Variants in UNC13B observed in about 807,000 individuals in gnomAD.
UNC13B encodes unc-13 homolog B, also known as protein unc-13 homolog B.
UNC13B carries 144 observed loss-of-function variants against 211.0 expected under a neutral mutation model. The ratio of observed to expected loss-of-function variants is 0.68; its 90% CI spans 0.60 to 0.78. The LOEUF (loss-of-function observed/expected upper bound fraction) is 0.78. UNC13B is among the 30% of genes least tolerant of loss of function. The pLI, the probability that UNC13B is intolerant of heterozygous loss-of-function variation, is 0.00. For synonymous variants in UNC13B, 709 were observed against 725.8 expected, an observed-to-expected ratio of 0.98 and a Z score of 0.37; for missense variants, 1,777 against 2,002.0, an observed-to-expected ratio of 0.89 and a Z score of 2.14.
intron 37 of UNC13B, among the ~76,000 whole-genome samples, chr9:35,401,273 G>A (rs749439491): frequency 3.3e-5 from 5 of 152,182 alleles, no homozygotes; most frequent in Non-Finnish European, 7.3e-5. Flanking sequence ...TGACCTAGAG[G>A]GGAGAGGGCT....
At chr9:35,185,765 CAAA>C (rs202222034) in intron 1 of UNC13B, among the ~76,000 whole-genome samples, 2 of 124,936 alleles carry the variant, frequency 1.6e-5, no homozygotes, top group Non-Finnish European at 1.7e-5. Flanking sequence ...TATTAAAATA[CAAA>C]AAAAAAAAAA....
In UNC13B at chr9:35,302,746, A is replaced by G. The variant is rs775877066; in HGVS notation, c.3342A>G (p.Leu1114=). The G allele has an allele frequency of 2.5e-6, 1 of 398,674 alleles. No individual in the cohort carries two copies. The highest frequency in any genetic ancestry group is 4.4e-5 in the Admixed American group (1 of 22,724). The allele number at this position is 398,674 out of a possible 1,614,324, so 24.7% of individuals were successfully genotyped here. The change falls in exon 9 of 40, where the codon TTA becomes TTG. Residue 1114 remains leucine (L), a synonymous_variant. Transcript: ENST00000635942. The stretch of plus-strand genomic sequence containing the variant: ...CTTCAGTAGCATCAGACTCTTCATT[A>G]GAGTGTATTTCTACCACTTCCAAAT... ...AASSVASDSS[L]ECISTTSKST...
intron 8 of UNC13B, among the ~76,000 whole-genome samples, chr9:35,297,038 C>A (rs936106562): frequency 6.6e-6 from 1 of 151,028 alleles, no homozygotes. Flanking sequence ...TCCTTAGCTT[C>A]CTTTAATTTA....
chr9:35,351,707 T>G, intron 11 of UNC13B: 1 of 1,232,266 alleles, frequency 8.1e-7, no homozygotes, highest in Non-Finnish European at 1.0e-6. Flanking sequence ...GTCAGCAGCC[T>G]TAGCCATTGG....
At chr9:35,269,001 A>G (rs1827729940) in intron 7 of UNC13B, among the ~76,000 whole-genome samples, 1 of 152,230 alleles carries the variant, frequency 6.6e-6, no homozygotes. Flanking sequence ...GACACCAAGT[A>G]TGTTTTCCAT....
At chr9:35,264,613 C>T (rs1178681814) in intron 7 of UNC13B, among the ~76,000 whole-genome samples, 1 of 152,152 alleles carries the variant, frequency 6.6e-6, no homozygotes, top group African/African-American at 2.4e-5. Flanking sequence ...GTGCTATTTT[C>T]CAGGGAAAGG....
chr9:35,227,637 T>C (rs950779430), intron 1 of UNC13B, among the ~76,000 whole-genome samples: 8 of 152,224 alleles, frequency 5.3e-5, no homozygotes, highest in South Asian at 2.1e-4. Context: ...CCTGTTATGC[T>C]CTTCTTTTGG....
chr9:35,196,262 A>G (rs1158750143), intron 1 of UNC13B, among the ~76,000 whole-genome samples: 1 of 152,236 alleles, frequency 6.6e-6, no homozygotes, highest in African/African-American at 2.4e-5. Flanking sequence ...TAGATTCTGA[A>G]ATAGATGGGT....
At chr9:35,384,388 G>T in intron 22 of UNC13B, 74 bp downstream of exon 22, 1 of 1,543,684 alleles carries the variant, frequency 6.5e-7, no homozygotes, top group South Asian at 1.2e-5. Flanking sequence ...GGCCAATCTT[G>T]GCTATAAAGA....
rs1365967595 is a variant in UNC13B, at chr9:35,305,170, C to T, written c.5766C>T (p.Phe1922=). 2.5e-6 allele frequency: 1 copy of T among 398,896 alleles called. No individual in the cohort carries two copies. Among genetic ancestry groups the T allele is most frequent in the Non-Finnish European group, 4.4e-6 (1 of 225,978 alleles). 24.7% of individuals were successfully genotyped at this position (398,896 alleles called of 1,614,324 possible). A position where few individuals can be genotyped will look rare whatever the true frequency, so the allele number is the denominator to read the frequency against. ...KTLFKSSLKL[F]SQEESSVSMT... ...TATTTAAAAGTTCATTGAAACTCTT[C>T]AGTCAAGAAGAATCGTCAGTTAGTA... The change falls in exon 9 of 40, where the codon TTC becomes TTT. Residue 1922 remains phenylalanine (F), a synonymous_variant. Coordinates refer to ENST00000635942, the MANE Select transcript of UNC13B (RefSeq NM_001371189.2).
In UNC13B at chr9:35,396,815, C is replaced by A. The variant is rs554344530; in HGVS notation, c.11436-26C>A. 2.5e-6 allele frequency: 4 copies of A among 1,613,918 alleles called. No homozygotes were observed. The East Asian group carries it at 6.7e-5, about 27-fold the overall frequency. ...GCGTATTCCCACCGCTAGTTCTAAGCCCCTGTTCTCCTGCTGTGGCTGCAG... is the reference window on the plus strand; with the variant it reads ...GCGTATTCCCACCGCTAGTTCTAAGACCCTGTTCTCCTGCTGTGGCTGCAG... On this transcript the variant is annotated intron_variant, in intron 27 of 39. Coordinates refer to ENST00000635942, the MANE Select transcript of UNC13B (RefSeq NM_001371189.2).
Position 35,399,396 on chromosome 9 carries a change from C to A in UNC13B, c.12203C>A (p.Thr4068Asn). The change falls in exon 35 of 40, where the codon ACC (threonine) becomes AAC (asparagine). Residue 4068 changes from threonine (T) to asparagine (N), a missense_variant. Coordinates refer to ENST00000635942, the MANE Select transcript of UNC13B (RefSeq NM_001371189.2). The stretch of plus-strand genomic sequence containing the variant: ...ACTGATTCCCTCTCTGCCCAGGGCA[C>A]CCAGCTGATCTTCACTGCTGCCAAG... ...VLPPLTDQTG[T>N]QLIFTAAKEL... is the part of the protein sequence containing the mutation. The A allele has an allele frequency of 6.2e-7, 1 of 1,614,110 alleles. No homozygotes were observed. Among genetic ancestry groups the A allele is most frequent in the Non-Finnish European group, 8.5e-7 (1 of 1,180,026 alleles).
intron 7 of UNC13B, among the ~76,000 whole-genome samples, chr9:35,272,896 G>A (rs905952293): frequency 3.9e-5 from 6 of 152,204 alleles, no homozygotes; most frequent in African/African-American, 1.4e-4. Context: ...AGCTTCTGGG[G>A]TCTATGTTAT....
At chr9:35,378,480 G>T in intron 17 of UNC13B, 44 bp downstream of exon 17, 2 of 1,611,274 alleles carry the variant, frequency 1.2e-6, no homozygotes, top group Middle Eastern at 3.3e-4. Flanking sequence ...TGTGTGTATT[G>T]GGGGAGCAGG....
rs138908686 is a variant in UNC13B at position 35,310,691 on chromosome 9, G to A, written c.9233G>A (p.Cys3078Tyr). The A allele has an allele frequency of 4.3e-6, 7 of 1,613,908 alleles. No individual in the cohort carries two copies. Among genetic ancestry groups the A allele is most frequent in the African/African-American group, 4.0e-5 (3 of 74,872 alleles). The part of the protein sequence containing the change: ...VTGQAEKEAA[C>Y]EPKEMKEDAT... ...GGTCAAGCAGAGAAGGAGGCAGCAT[G>A]TGAACCCAAGGAGATGAAAGAAGAT... Residue 3078 changes from cysteine (C) to tyrosine (Y), a missense_variant, in exon 10 of 40, where the codon TGT becomes TAT. Physicochemically the swap from Cys to Tyr is radical, Grantham distance 194 (BLOSUM62 -2). Transcript: ENST00000635942.
At chr9:35,241,440 A>G (rs1018063214) in intron 5 of UNC13B, among the ~76,000 whole-genome samples, 1 of 152,142 alleles carries the variant, frequency 6.6e-6, no homozygotes, top group Non-Finnish European at 1.5e-5. Flanking sequence ...GAATAAATTA[A>G]TAATGGTTTA....
chr9:35,216,679 T>G (rs3849920), intron 1 of UNC13B, among the ~76,000 whole-genome samples: 149,649 of 152,248 alleles, frequency 0.98, 73,595 homozygotes, highest in East Asian at 1. Flanking sequence ...AGATAAAAGG[T>G]GTAGAAATTT....
chr9:35,277,766 C>T (rs1221641392), intron 7 of UNC13B, among the ~76,000 whole-genome samples: 2 of 151,852 alleles, frequency 1.3e-5, no homozygotes, highest in East Asian at 3.9e-4. Context: ...TATACAAAGA[C>T]AGCAACTTGA....
At chr9:35,401,956 G>C (rs948908217) in intron 37 of UNC13B, 1 of 1,550,732 alleles carries the variant, frequency 6.4e-7, no homozygotes, top group Non-Finnish European at 8.7e-7. Flanking sequence ...TTCAGTGCAT[G>C]ATGGGAAAGG....
Sources: allele counts gnomAD v4.1 joint callset (sites outside exome capture counted in the v4.1 genomes callset), GRCh38; gene constraint gnomAD v4.1.1; transcripts MANE v1.5; gene names NCBI Gene and HGNC (gene_info 2026-07-23, HGNC 2026-07-21).